TFEC: variants seen among roughly 807,000 people sequenced by gnomAD.
The protein encoded by TFEC is class E basic helix-loop-helix protein 34.
A neutral mutation model predicts 41.6 loss-of-function variants in TFEC; 31 were observed. The observed-to-expected ratio is 0.74, with a 90% confidence interval of 0.56 to 1.01. The LOEUF (loss-of-function observed/expected upper bound fraction) is 1.01. Among genes scored for constraint, TFEC ranks in the 50% least tolerant of loss-of-function variants. The pLI, the probability that TFEC is intolerant of heterozygous loss-of-function variation, is 0.00. For missense variants in TFEC, 402 were observed against 404.1 expected (o/e 0.99, Z 0.04); for synonymous variants, 143 against 140.6 (o/e 1.02, Z -0.12).
chr7:115,984,574 C>T lies in TFEC; in HGVS notation c.-72-61G>A. 6 of 1,556,940 alleles carry T rather than the reference C, an allele frequency of 3.9e-6. No individual in the cohort carries two copies. In the South Asian group the frequency reaches 6.0e-5, roughly 15 times the overall value. ...CATCAGCTGTGAAATTAGAGTTCTC[C>T]TTTCCACAATTGCACTAGGATAATA... is the stretch of plus-strand genomic sequence containing the variant. On this transcript the variant is annotated intron_variant, in intron 1 of 7. Transcript: ENST00000265440.
chr7:115,947,155 G>A (rs80126425), intron 6 of TFEC, among the ~76,000 whole-genome samples: 21,058 of 145,350 alleles, frequency 0.14, 2,059 homozygotes, highest in Non-Finnish European at 0.21. Context: ...CCACCTATGA[G>A]TGAGAATAGG....
rs79657914 is a variant in TFEC, at chr7:116,086,267, C to T, written c.198+24441G>A. Among the ~76,000 whole-genome samples the T allele has an allele frequency of 8.5e-3, 1,295 of 151,976 alleles. 20 individuals carry two copies. The highest frequency in any genetic ancestry group is 0.029 in the African/African-American group (1,216 of 41,516). On this transcript the variant is annotated intron_variant, in intron 3 of 8. Coordinates refer to the TFEC transcript ENST00000484212. The stretch of plus-strand genomic sequence containing the variant: ...CTCCAATCCCCTTCCTCTTCCCACA[C>T]CCAGTTTGTCAAACTAAATATTCAT...
chr7:116,013,153 C>A (rs1795065179), intron 1 of TFEC, among the ~76,000 whole-genome samples: 1 of 152,010 alleles, frequency 6.6e-6, no homozygotes, highest in Non-Finnish European at 1.5e-5. Context: ...TAGATAAAAC[C>A]AGTATTTCTG....
chr7:116,002,677 G>A (rs2130780992), intron 1 of TFEC, among the ~76,000 whole-genome samples: 1 of 152,108 alleles, frequency 6.6e-6, no homozygotes, highest in African/African-American at 2.4e-5. Flanking sequence ...GAGTATAATT[G>A]GATTGTTTGT....
chr7:115,950,091 A>T (rs1429086900), intron 6 of TFEC, among the ~76,000 whole-genome samples: 1 of 150,812 alleles, frequency 6.6e-6, no homozygotes, highest in East Asian at 2.0e-4. Flanking sequence ...AGCTCAACAC[A>T]ACCTCTGCCC....
At chr7:116,108,684 C>A (rs970350084) in intron 3 of TFEC, among the ~76,000 whole-genome samples, 4 of 152,058 alleles carry the variant, frequency 2.6e-5, no homozygotes, top group South Asian at 2.1e-4. Flanking sequence ...AGGAATATAT[C>A]CTCATAGTGT....
chr7:116,055,860 G>T (rs191663606), intron 3 of TFEC, among the ~76,000 whole-genome samples: 15 of 152,142 alleles, frequency 9.9e-5, no homozygotes, highest in Admixed American at 9.8e-4. Context: ...TCTTTTTACT[G>T]AAATAACATA....
chr7:115,983,959 A>G (rs1347559703), intron 2 of TFEC, among the ~76,000 whole-genome samples: 3 of 152,148 alleles, frequency 2.0e-5, no homozygotes, highest in Non-Finnish European at 4.4e-5. Context: ...TATTTCAACT[A>G]AATTTATCAG....
In TFEC at chr7:116,024,374, A is replaced by G. The variant is rs1423253573; in HGVS notation, c.-73+6259T>C. 3.9e-5 allele frequency among the ~76,000 whole-genome samples: 6 copies of G among 152,210 alleles called. No homozygotes were observed. In the East Asian group the frequency reaches 1.2e-3, roughly 29 times the overall value. ...TTAAAAGGGTCCTAGAAAAGACTGT[A>G]TAATCCATCTGGGCCTAAACAGCAT... On this transcript the variant is annotated intron_variant, in intron 1 of 7. Transcript: ENST00000265440.
chr7:115,975,910 A>G (rs1793358332), intron 2 of TFEC, among the ~76,000 whole-genome samples: 1 of 152,138 alleles, frequency 6.6e-6, no homozygotes, highest in African/African-American at 2.4e-5. Flanking sequence ...GCGGTTAGAG[A>G]TGAAGTGGAA....
chr7:115,938,231 CA>C lies in TFEC; in HGVS notation c.*2319del, dbSNP rs1793324500. 2 of 151,778 alleles carry C rather than the reference CA, an allele frequency of 1.3e-5. No homozygotes were observed. Among genetic ancestry groups the C allele is most frequent in the Non-Finnish European group, 2.9e-5 (2 of 67,864 alleles). The allele number at this position is 151,778 out of a possible 1,614,324, so 9.4% of individuals were successfully genotyped here. ...ATGACATCATCAGTGCAAGTCTACT[CA>C]AAATATGAAGAAATGAGAAGAGCAG... On this transcript the variant is annotated 3_prime_UTR_variant, in exon 8 of 8. Transcript: ENST00000265440.
chr7:116,119,218 C>T (rs904177411), intron 1 of TFEC, among the ~76,000 whole-genome samples: 1 of 151,736 alleles, frequency 6.6e-6, no homozygotes, highest in Admixed American at 6.6e-5. Context: ...CAATTTGCCC[C>T]ATGCTACACA....
intron 1 of TFEC, among the ~76,000 whole-genome samples, chr7:115,995,726 C>T (rs1794338078): frequency 6.6e-6 from 1 of 152,172 alleles, no homozygotes. Flanking sequence ...CAACATCTTC[C>T]CTCCCCCAAC....
intron 4 of TFEC, among the ~76,000 whole-genome samples, chr7:115,955,983 T>C (rs982643281): frequency 6.6e-6 from 1 of 151,988 alleles, no homozygotes; most frequent in African/African-American, 2.4e-5. Flanking sequence ...ATTTACTTTA[T>C]TCTTACGGAG....
intron 1 of TFEC, among the ~76,000 whole-genome samples, chr7:116,133,936 A>C (rs886408298): frequency 1.3e-5 from 2 of 152,196 alleles, no homozygotes; most frequent in Non-Finnish European, 2.9e-5. Flanking sequence ...CAATAGCAAC[A>C]ACAAAAAAAA....
At chr7:116,002,835 A>G (rs1330128257) in intron 1 of TFEC, among the ~76,000 whole-genome samples, 1 of 152,136 alleles carries the variant, frequency 6.6e-6, no homozygotes, top group Non-Finnish European at 1.5e-5. Context: ...TAAAAAAAGA[A>G]AGTGGACTTG....
intron 3 of TFEC, among the ~76,000 whole-genome samples, chr7:115,969,374 T>C (rs1306797238): frequency 6.6e-6 from 1 of 151,838 alleles, no homozygotes; most frequent in South Asian, 2.1e-4. Context: ...AAATAAGACA[T>C]TGATTTGAGG....
At chr7:115,944,680 A>G (rs1472826045) in intron 6 of TFEC, among the ~76,000 whole-genome samples, 2 of 151,728 alleles carry the variant, frequency 1.3e-5, no homozygotes, top group South Asian at 2.2e-4. Flanking sequence ...CCATGCCACA[A>G]TTGCTGCTAT....
chr7:116,124,907 T>A (rs1798179419), intron 1 of TFEC, among the ~76,000 whole-genome samples: 1 of 152,194 alleles, frequency 6.6e-6, no homozygotes, highest in Admixed American at 6.5e-5. Flanking sequence ...TGGCCTGCAT[T>A]ATATCCTCAA....
Sources: allele counts gnomAD v4.1 joint callset (sites outside exome capture counted in the v4.1 genomes callset), GRCh38; gene constraint gnomAD v4.1.1; transcripts MANE v1.5; gene names NCBI Gene and HGNC (gene_info 2026-07-23, HGNC 2026-07-21).